The following USP7 variants were observed in gnomAD, a reference collection of about 807,000 sequenced individuals.
USP7 encodes the protein ubiquitin C-terminal hydrolase 7.
In USP7, 9 loss-of-function variants were observed where a neutral mutation model predicts 162.9. That is an observed-to-expected ratio of 0.06 (90% confidence interval 0.03 to 0.10). USP7 has a LOEUF of 0.10. USP7 is among the 10% of genes least tolerant of loss of function. The probability of loss-of-function intolerance (pLI) is 1.00; values close to 1 mark genes in which losing one functional copy is unlikely to be tolerated. For synonymous variants in USP7, 562 were observed against 475.9 expected, an observed-to-expected ratio of 1.18 and a Z score of -2.35; for missense variants, 715 against 1,373.7, an observed-to-expected ratio of 0.52 and a Z score of 7.58.
chr16:8,914,354 A>C (rs962575909), intron 10 of USP7, among the ~76,000 whole-genome samples: 3 of 151,862 alleles, frequency 2.0e-5, no homozygotes, highest in Non-Finnish European at 4.4e-5. Flanking sequence ...CCACTTTGGG[A>C]ATCTCGCTAA....
chr16:8,916,388 T>G, intron 8 of USP7, 114 bp downstream of exon 8: 1 of 1,152,830 alleles, frequency 8.7e-7, no homozygotes, highest in Non-Finnish European at 1.2e-6. Context: ...AGTCTGATCC[T>G]AAACAAAGAT....
At chr16:8,902,563 A>G in intron 16 of USP7, 81 bp from the exon 17 acceptor site, 90 of 1,008,362 alleles carry the variant, frequency 8.9e-5, no homozygotes, top group Non-Finnish European at 1.2e-4. Flanking sequence ...ATATGTATAT[A>G]CATATACATA....
At chr16:8,913,083 C>T (rs1274492147) in intron 10 of USP7, among the ~76,000 whole-genome samples, 4 of 152,110 alleles carry the variant, frequency 2.6e-5, no homozygotes, top group East Asian at 1.9e-4. Flanking sequence ...GGGCTGGGCA[C>T]GGTGGCTCAC....
intron 10 of USP7, 45 bp from the exon 11 acceptor site, chr16:8,910,872 A>G (rs938438476): frequency 1.3e-6 from 2 of 1,487,382 alleles, no homozygotes; most frequent in Non-Finnish European, 1.9e-6. Context: ...AGCTTCATTT[A>G]TAATGTAGCC....
chr16:8,900,002 A>C (rs2061748714), intron 21 of USP7: 3 of 568,340 alleles, frequency 5.3e-6, no homozygotes, highest in Non-Finnish European at 9.3e-6. Flanking sequence ...CTACAAAACA[A>C]AACCCCCTTA....
intron 1 of USP7, 51 bp downstream of exon 1, chr16:8,963,156 C>G: frequency 7.3e-7 from 1 of 1,367,684 alleles, no homozygotes; most frequent in Non-Finnish European, 9.5e-7. Flanking sequence ...CTCCCCCGGC[C>G]ACAATGAAAG....
chr16:8,948,652 G>A (rs173863), intron 1 of USP7, among the ~76,000 whole-genome samples: 146,991 of 152,302 alleles, frequency 0.97, 71,098 homozygotes, highest in Non-Finnish European at 1. Flanking sequence ...ATTATTCTGC[G>A]AGAAAAGGGA....
intron 12 of USP7, among the ~76,000 whole-genome samples, chr16:8,907,211 A>T (rs2061874189): frequency 6.6e-6 from 1 of 152,238 alleles, no homozygotes; most frequent in Non-Finnish European, 1.5e-5. Context: ...ATTTATGTGA[A>T]ATCTCACAAT....
intron 1 of USP7, among the ~76,000 whole-genome samples, chr16:8,942,356 C>T (rs1191349125): frequency 6.6e-6 from 1 of 152,164 alleles, no homozygotes; most frequent in Non-Finnish European, 1.5e-5. Context: ...AAATATCAAG[C>T]AGTGGGGTCT....
At chr16:8,918,301 A>G (rs1481374556) in intron 6 of USP7, among the ~76,000 whole-genome samples, 1 of 152,242 alleles carries the variant, frequency 6.6e-6, no homozygotes, top group Non-Finnish European at 1.5e-5. Context: ...GTACTGCTTC[A>G]TAATAATCAC....
chr16:8,938,264 G>A (rs1477158259), intron 1 of USP7, among the ~76,000 whole-genome samples: 1 of 151,192 alleles, frequency 6.6e-6, no homozygotes, highest in East Asian at 1.9e-4. Context: ...ATACTATACT[G>A]ACTTGATTAA....
At chr16:8,912,613 T>A (rs2061965190) in intron 10 of USP7, among the ~76,000 whole-genome samples, 1 of 150,422 alleles carries the variant, frequency 6.6e-6, no homozygotes, top group Admixed American at 6.6e-5. Flanking sequence ...TATACTTAAG[T>A]CCAAAGGAGA....
At chr16:8,894,191 T>A in intron 30 of USP7, 87 bp from the exon 31 acceptor site, 1 of 1,257,102 alleles carries the variant, frequency 8.0e-7, no homozygotes, top group Non-Finnish European at 1.2e-6. Context: ...CATGCATCCC[T>A]GTGGCTCCCC....
intron 12 of USP7, 26 bp downstream of exon 12, chr16:8,908,315 T>C: frequency 6.3e-7 from 1 of 1,579,436 alleles, no homozygotes; most frequent in Non-Finnish European, 8.7e-7. Flanking sequence ...GATGAAATCT[T>C]AACTTTATAT....
chr16:8,901,675 T>C (rs1285685952), intron 18 of USP7, among the ~76,000 whole-genome samples: 3 of 152,218 alleles, frequency 2.0e-5, no homozygotes, highest in African/African-American at 7.2e-5. Flanking sequence ...TCGATAAAGT[T>C]GTACTGGAAG....
Position 8,905,251 on chromosome 16 carries a change from G to A in USP7, c.1509C>T (p.Asp503=), listed in dbSNP as rs776078669. 9.9e-6 allele frequency: 16 copies of A among 1,614,050 alleles called. No homozygotes were observed. The highest frequency in any genetic ancestry group is 6.7e-5 in the African/African-American group (5 of 74,914). Residue 503 remains aspartate (D), a synonymous_variant, in exon 14 of 31, where the codon GAC becomes GAT. Coordinates refer to ENST00000344836, the MANE Select transcript of USP7 (RefSeq NM_003470.3). Reference sequence around the variant, plus strand: ...TAGTGCAGTGTCGAACAGACAGGTCGTCATCGTGACCCCCATAATTGTGCT... The same window carrying A: ...TAGTGCAGTGTCGAACAGACAGGTCATCATCGTGACCCCCATAATTGTGCT... ...AIEHNYGGHD[D]DLSVRHCTNA...
At chr16:8,900,925 A>G (rs1052225009) in intron 20 of USP7, 65 bp downstream of exon 20, 18 of 1,542,590 alleles carry the variant, frequency 1.2e-5, no homozygotes, top group Middle Eastern at 2.2e-4. Context: ...GGGTAAAAAG[A>G]ACAAACAAAA....
intron 1 of USP7, among the ~76,000 whole-genome samples, chr16:8,931,703 T>C (rs1293328192): frequency 6.6e-6 from 1 of 152,254 alleles, no homozygotes; most frequent in Non-Finnish European, 1.5e-5. Flanking sequence ...CAATCACTTT[T>C]CATTAATTTT....
At chr16:8,961,566 C>A (rs1397559938) in intron 1 of USP7, among the ~76,000 whole-genome samples, 1 of 142,768 alleles carries the variant, frequency 7.0e-6, no homozygotes, top group Non-Finnish European at 1.5e-5. Context: ...AGATACAGGT[C>A]TGTAACACAC....
Sources: gnomAD v4.1 joint callset for allele counts (sites outside exome capture counted in the v4.1 genomes callset) on GRCh38, gnomAD v4.1.1 for gene constraint, MANE v1.5 for transcripts, NCBI Gene and HGNC (gene_info 2026-07-23, HGNC 2026-07-21) for gene names.